Variants in EED observed in about 807,000 individuals in gnomAD.
EED encodes polycomb protein EED.
Under a neutral mutation model 61.0 loss-of-function variants are expected in EED, and 9 were observed. The ratio of observed to expected loss-of-function variants is 0.15; its 90% CI spans 0.09 to 0.26. EED has a LOEUF of 0.26. Ranked by LOEUF, EED falls within the 10% of genes least tolerant of loss-of-function variation. EED has a pLI of 1.00. For missense variants in EED, 315 were observed against 542.3 expected (o/e 0.58, Z 4.16); for synonymous variants, 187 against 174.4 (o/e 1.07, Z -0.57).
At chr11:86,274,412 T>C (rs960126703) in intron 9 of EED, among the ~76,000 whole-genome samples, 1 of 152,208 alleles carries the variant, frequency 6.6e-6, no homozygotes, top group African/African-American at 2.4e-5. Flanking sequence ...ATTCTTGGTA[T>C]GAAGAGTGAT....
chr11:86,277,628 G>A (rs1946261793), intron 10 of EED: 1 of 221,314 alleles, frequency 4.5e-6, no homozygotes, highest in Non-Finnish European at 8.8e-6. Context: ...AGCATTTGCT[G>A]TATTTCTTGA....
chr11:86,268,546 T>C lies in EED; in HGVS notation c.951T>C (p.Asp317=), dbSNP rs370672214. The change falls in exon 9 of 12, where the codon GAT becomes GAC. Residue 317 remains aspartate, a synonymous_variant. Transcript: ENST00000263360. ...TTGATTGTGTGCGATGGTTAGGCGA[T>C]TTGATACTTTCTAAGGTATGGTAAC... The part of the protein sequence containing the change: ...NYVDCVRWLG[D]LILSKSCENA... 27 of 1,611,084 alleles carry C rather than the reference T, an allele frequency of 1.7e-5. No individual in the cohort carries two copies. Among genetic ancestry groups the C allele is most frequent in the Non-Finnish European group, 2.2e-5 (26 of 1,178,776 alleles).
At chr11:86,257,672 C>G in intron 6 of EED, 76 bp downstream of exon 6, 1 of 1,216,822 alleles carries the variant, frequency 8.2e-7, no homozygotes. Context: ...CAAGAAAACC[C>G]TGACAAATAG....
chr11:86,267,779 T>TTTC (rs1020124722), intron 8 of EED: 6 of 147,694 alleles, frequency 4.1e-5, no homozygotes, highest in African/African-American at 1.5e-4. Flanking sequence ...TTTTTTTTTT[T>TTTC]TTTTTTTGTA....
chr11:86,286,053 C>T, the EED span, among the ~76,000 whole-genome samples: 2 of 152,108 alleles, frequency 1.3e-5, no homozygotes, highest in South Asian at 4.1e-4. Context: ...TTATTTGAGA[C>T]AGAGTCTCGC....
rs755960470 is a variant in EED at position 86,256,413 on chromosome 11, A to T, written c.453A>T (p.Ala151=). 20 of 1,607,602 alleles carry T rather than the reference A, an allele frequency of 1.2e-5. No individual in the cohort carries two copies. Among genetic ancestry groups the T allele is most frequent in the Admixed American group, 5.1e-5 (3 of 59,324 alleles). ...ADADENFYTC[A]WTYDSNTSHP... is the part of the protein sequence containing the mutation. ...CTGATGAAAACTTTTACACTTGTGCATGGACCTATGATAGCAATACGAGCC... is the reference window on the plus strand; with the variant it reads ...CTGATGAAAACTTTTACACTTGTGCTTGGACCTATGATAGCAATACGAGCC... The change falls in exon 5 of 12, where the codon GCA becomes GCT. Residue 151 remains alanine (A), a synonymous_variant. Transcript: ENST00000263360.
chr11:86,251,443 A>G (rs535241371), intron 2 of EED, among the ~76,000 whole-genome samples: 6 of 152,340 alleles, frequency 3.9e-5, no homozygotes, highest in Non-Finnish European at 8.8e-5. Flanking sequence ...ATGATGAGAA[A>G]ACGAAAGACG....
chr11:86,269,323 GGT>G (rs138312744), intron 9 of EED, among the ~76,000 whole-genome samples: 7 of 149,836 alleles, frequency 4.7e-5, no homozygotes, highest in South Asian at 2.1e-4. Flanking sequence ...AGGCCATCTG[GGT>G]GTGTGTGTGT....
Position 86,278,692 on chromosome 11 carries a change from C to T in EED, c.*167C>T. ...ACATTGTTTACATTCTTTGTACTGT[C>T]TTCCTGCTCAGACTCTACTGCTTTT... On this transcript the variant is annotated 3_prime_UTR_variant, in exon 12 of 12. Coordinates refer to ENST00000263360, the MANE Select transcript of EED (RefSeq NM_003797.5). 3 of 815,564 alleles carry T rather than the reference C, an allele frequency of 3.7e-6. No homozygotes were observed. The highest frequency in any genetic ancestry group is 5.2e-6 in the Non-Finnish European group (3 of 581,976). The allele number at this position is 815,564 out of a possible 1,614,324, so 50.5% of individuals were successfully genotyped here. A position where few individuals can be genotyped will look rare whatever the true frequency, so the allele number is the denominator to read the frequency against.
the EED span, among the ~76,000 whole-genome samples, chr11:86,287,243 C>G: frequency 6.6e-6 from 1 of 152,098 alleles, no homozygotes; most frequent in Non-Finnish European, 1.5e-5. Flanking sequence ...GTGGGGCCCA[C>G]ATTGTGAGAA....
intron 8 of EED, chr11:86,268,189 T>C (rs1946029695): frequency 3.9e-6 from 1 of 253,616 alleles, no homozygotes; most frequent in South Asian, 8.8e-5. Flanking sequence ...TTATATATAG[T>C]AAAACGCAGG....
At chr11:86,275,150 G>A (rs1027673251) in intron 9 of EED, among the ~76,000 whole-genome samples, 66 of 152,254 alleles carry the variant, frequency 4.3e-4, no homozygotes, top group Non-Finnish European at 7.6e-4. Context: ...GTTATCGTTT[G>A]TGTTCCAAGG....
chr11:86,264,404 A>T (rs1353717827), intron 7 of EED, 141 bp downstream of exon 7: 4 of 552,468 alleles, frequency 7.2e-6, no homozygotes, highest in Middle Eastern at 2.9e-4. Flanking sequence ...AGAAGATTTT[A>T]ATCTCCAGAT....
chr11:86,265,124 A>G (rs1464614353), intron 7 of EED: 8 of 152,174 alleles, frequency 5.3e-5, no homozygotes, highest in Non-Finnish European at 1.2e-4. Context: ...ATAACTCCAA[A>G]TTAGTGGTAT....
chr11:86,283,936 T>C, the EED span: 3 of 151,920 alleles, frequency 2.0e-5, no homozygotes, highest in Admixed American at 6.6e-5. Context: ...TTGAGTGCCA[T>C]GTGGGCATGT....
intron 1 of EED, among the ~76,000 whole-genome samples, chr11:86,247,241 A>G (rs1593715438): frequency 6.6e-6 from 1 of 152,196 alleles, no homozygotes; most frequent in Non-Finnish European, 1.5e-5. Context: ...GATAGCCTTA[A>G]TTTTGTGTGT....
At chr11:86,287,539 C>T in the EED span, among the ~76,000 whole-genome samples, 30 of 152,246 alleles carry the variant, frequency 2.0e-4, 1 homozygote, top group African/African-American at 6.0e-4. Flanking sequence ...TGGGTGATTT[C>T]TCTTACATTT....
rs140412401 is a variant in EED, at chr11:86,276,982, T to A, written c.969T>A (p.Ser323=). ...TCTCATTTCTCTCTCTGTTTTAGTC[T>A]TGTGAAAATGCCATTGTGTGCTGGA... The part of the protein sequence containing the change: ...RWLGDLILSK[S]CENAIVCWKP... Residue 323 remains serine, a splice_region_variant and synonymous_variant, in exon 10 of 12, where the codon TCT becomes TCA. Transcript: ENST00000263360. The A allele has an allele frequency of 5.1e-5, 77 of 1,519,960 alleles. 1 individual carries two copies. In the African/African-American group the frequency reaches 9.6e-4, roughly 19 times the overall value. The allele number at this position is 1,519,960 out of a possible 1,614,324, so 94.2% of individuals were successfully genotyped here. A position where few individuals can be genotyped will look rare whatever the true frequency, so the allele number is the denominator to read the frequency against.
intron 1 of EED, among the ~76,000 whole-genome samples, chr11:86,246,277 T>C (rs1331251372): frequency 1.3e-5 from 2 of 152,248 alleles, no homozygotes; most frequent in Non-Finnish European, 2.9e-5. Flanking sequence ...CTTGACAATT[T>C]ATTCAAAGAT....
Sources: gnomAD v4.1 joint callset for allele counts (sites outside exome capture counted in the v4.1 genomes callset) on GRCh38, gnomAD v4.1.1 for gene constraint, MANE v1.5 for transcripts, NCBI Gene and HGNC (gene_info 2026-07-23, HGNC 2026-07-21) for gene names.